The following MYO9B variants were observed in gnomAD, a reference collection of about 807,000 sequenced individuals.
MYO9B encodes the protein myosin IXB.
Under a neutral mutation model 229.5 loss-of-function variants are expected in MYO9B, and 71 were observed. The ratio of observed to expected loss-of-function variants is 0.31; its 90% CI spans 0.26 to 0.38. The LOEUF (loss-of-function observed/expected upper bound fraction) is 0.38. Ranked by LOEUF, MYO9B falls within the 10% of genes least tolerant of loss-of-function variation. The pLI is 1.00. For missense variants in MYO9B, 2,255 were observed against 2,920.5 expected (o/e 0.77, Z 5.25); for synonymous variants, 1,185 against 1,235.8 (o/e 0.96, Z 0.86).
rs1423218718 is a variant in MYO9B at position 17,195,164 on chromosome 19, G to C, written c.3737G>C (p.Gly1246Ala). ...CTGCCCAGTGGGAGCCCCAGGCCTG[G>C]CCAGTTGGAGCGGCCGACCAGCCTG... ...KTLPSGSPRP[G>A]QLERPTSLAL... The change falls in exon 22 of 40, where the codon GGC becomes GCC. Residue 1246 changes from glycine to alanine, a missense_variant. This residue lies in a region of MYO9B where 679 missense variants were observed against 770.2 expected (regional missense o/e 0.88). Coordinates refer to ENST00000682292, the MANE Select transcript of MYO9B (RefSeq NM_004145.4). The surrounding 1 kb of genome is among the most constrained non-coding windows in gnomAD (Gnocchi z 4.5). 1 of 1,611,104 alleles carries C rather than the reference G, an allele frequency of 6.2e-7. No individual in the cohort carries two copies. Among genetic ancestry groups the C allele is most frequent in the Admixed American group, 1.7e-5 (1 of 59,636 alleles).
At chr19:17,090,472 A>G (rs2057627457) in intron 1 of MYO9B, among the ~76,000 whole-genome samples, 1 of 152,164 alleles carries the variant, frequency 6.6e-6, no homozygotes, top group Non-Finnish European at 1.5e-5. Context: ...TTATGGCCAA[A>G]TAATATTCTG....
At position 17,207,183 on chromosome 19, in the gene MYO9B, C is replaced by A. The variant is rs1298232756; in HGVS notation, c.5563C>A (p.Leu1855Met). Residue 1855 changes from leucine to methionine, a missense_variant, in exon 35 of 40, where the codon CTG (leucine) becomes ATG (methionine). Leu to Met is a conservative substitution (Grantham distance 15). Around this residue, in one of 7 missense-constraint regions of MYO9B, gnomAD observed 416 missense variants for 605.5 expected, o/e 0.69. Coordinates refer to ENST00000682292, the MANE Select transcript of MYO9B (RefSeq NM_004145.4). The stretch of plus-strand genomic sequence containing the variant: ...GGCCATTATCTTCGCACCCTGCCTC[C>A]TGCGCTGCCCTGACAACTCGGACCC... ...ALAIIFAPCL[L>M]RCPDNSDPLT... 6.2e-7 allele frequency: 1 copy of A among 1,604,282 alleles called. No individual in the cohort carries two copies. Among genetic ancestry groups the A allele is most frequent in the African/African-American group, 1.3e-5 (1 of 74,818 alleles).
intron 6 of MYO9B, among the ~76,000 whole-genome samples, chr19:17,156,019 CAA>C (rs34932047): frequency 5.6e-4 from 64 of 113,488 alleles, no homozygotes; most frequent in Admixed American, 5.4e-4. Flanking sequence ...GACTCTGTCT[CAA>C]AAAAAAAAAA....
rs116986825 is a variant in MYO9B, at chr19:17,158,811, G to A, written c.1330-584G>A. Among the ~76,000 whole-genome samples, 1,217 of 152,282 alleles carry A rather than the reference G, an allele frequency of 8.0e-3. 5 individuals are homozygous for A. The highest frequency in any genetic ancestry group is 0.014 in the Non-Finnish European group (958 of 68,026). On this transcript the variant is annotated intron_variant, in intron 7 of 39. Coordinates refer to ENST00000682292, the MANE Select transcript of MYO9B (RefSeq NM_004145.4). ...GACCCGTGGCTCGCACTCACATAAG[G>A]CCTGTACATACACATACCCGGGCCA...
chr19:17,121,542 CA>C (rs988639637), intron 2 of MYO9B, among the ~76,000 whole-genome samples: 1 of 151,930 alleles, frequency 6.6e-6, no homozygotes, highest in Admixed American at 6.6e-5. Flanking sequence ...CTGGGGGCCC[CA>C]AAAGGCATCC....
intron 5 of MYO9B, 31 bp from the exon 6 acceptor site, chr19:17,154,284 T>A: frequency 6.3e-7 from 1 of 1,595,188 alleles, no homozygotes; most frequent in African/African-American, 1.3e-5. Context: ...GGCCCAGGAA[T>A]GCCCAGAGTA....
intron 1 of MYO9B, among the ~76,000 whole-genome samples, chr19:17,092,885 G>T (rs184568913): frequency 1.1e-3 from 167 of 152,230 alleles, no homozygotes; most frequent in African/African-American, 3.9e-3. Flanking sequence ...TATGAGCATG[G>T]GTGTGTCCTA....
At chr19:17,120,535 T>TGA (rs1442450731) in intron 2 of MYO9B, among the ~76,000 whole-genome samples, 2 of 149,732 alleles carry the variant, frequency 1.3e-5, no homozygotes, top group African/African-American at 4.9e-5. Flanking sequence ...CTCAGGAGGC[T>TGA]GAGGCAGGAG....
chr19:17,165,971 A>G (rs1361729352), intron 10 of MYO9B, among the ~76,000 whole-genome samples: 2 of 152,112 alleles, frequency 1.3e-5, no homozygotes, highest in African/African-American at 2.4e-5. Flanking sequence ...TGCAACAGAC[A>G]TTGTCTGGTT....
chr19:17,185,632 G>T (rs1157761380), intron 17 of MYO9B, among the ~76,000 whole-genome samples: 1 of 151,996 alleles, frequency 6.6e-6, no homozygotes, highest in Non-Finnish European at 1.5e-5. Flanking sequence ...TCTCCAGAAA[G>T]CGTTTGTCTG....
rs560568367 is a variant in MYO9B at position 17,179,908 on chromosome 19, A to T, written c.2220-1019A>T. On this transcript the variant is annotated intron_variant, in intron 14 of 39. Coordinates refer to ENST00000682292, the MANE Select transcript of MYO9B (RefSeq NM_004145.4). ...AGCAAGACACTGTTTCCAAAAAAAAATAAAATAAAAATAAAAATAAATTTA... is the reference window on the plus strand; with the variant it reads ...AGCAAGACACTGTTTCCAAAAAAAATTAAAATAAAAATAAAAATAAATTTA... Among the ~76,000 whole-genome samples, 473 of 149,528 alleles carry T rather than the reference A, an allele frequency of 3.2e-3. 1 individual carries two copies. Among genetic ancestry groups the T allele is most frequent in the African/African-American group, 0.011 (430 of 39,842 alleles).
At chr19:17,210,977 C>CTTT (rs35355662) in intron 38 of MYO9B, 129 bp downstream of exon 38, 7,693 of 329,838 alleles carry the variant, frequency 0.023, 62 homozygotes, top group African/African-American at 0.042. Context: ...GCAAACAACA[C>CTTT]TTTTTTTTTT....
intron 1 of MYO9B, among the ~76,000 whole-genome samples, chr19:17,093,540 G>A (rs2057658633): frequency 6.6e-6 from 1 of 152,144 alleles, no homozygotes; most frequent in South Asian, 2.1e-4. Context: ...TTAGATTTCC[G>A]ACCATCTCCC....
At position 17,207,227 on chromosome 19, in the gene MYO9B, C is replaced by T. The variant is rs758115146; in HGVS notation, c.5607C>T (p.Asp1869=). The T allele has an allele frequency of 7.5e-6, 12 of 1,597,940 alleles. No homozygotes were observed. Among genetic ancestry groups the T allele is most frequent in the East Asian group, 2.3e-5 (1 of 44,078 alleles). ...CGGACCCGCTGACCAGCATGAAGGA[C>T]GTCCTCAAGATCACCACGTGAGTGC... ...DNSDPLTSMK[D]VLKITTCVEM... Residue 1869 remains aspartate, a synonymous_variant, in exon 35 of 40, where the codon GAC becomes GAT. Coordinates refer to ENST00000682292, the MANE Select transcript of MYO9B (RefSeq NM_004145.4).
rs561885532 is a variant in MYO9B, at chr19:17,077,857, G to C, written c.-59+1983G>C. On this transcript the variant is annotated intron_variant, in intron 1 of 39. Transcript: ENST00000682292. ...ATTTTTTTTCAACCGCTTCTTCATC[G>C]TCCAAATAGAAAATTGCGGTGTTGA... 1.4e-3 allele frequency among the ~76,000 whole-genome samples: 209 copies of C among 152,004 alleles called. 1 individual carries two copies. The highest frequency in any genetic ancestry group is 5.0e-3 in the African/African-American group (206 of 41,414).
Position 17,200,299 on chromosome 19 carries a change from G to A in MYO9B, c.4245G>A (p.Thr1415=), listed in dbSNP as rs760656722. ...SPGSQVDSKS[T]FKRLFLHKTK... ...CACGTACTTTCTCCTGCAGATCCAC[G>A]TTTAAGAGGCTTTTTCTGCATAAAA... Residue 1415 remains threonine, a synonymous_variant, in exon 25 of 40, where the codon ACG becomes ACA. Coordinates refer to ENST00000682292, the MANE Select transcript of MYO9B (RefSeq NM_004145.4). 1.9e-6 allele frequency: 3 copies of A among 1,609,384 alleles called. No individual in the cohort carries two copies. The highest frequency in any genetic ancestry group is 2.5e-6 in the Non-Finnish European group (3 of 1,178,792).
intron 30 of MYO9B, among the ~76,000 whole-genome samples, chr19:17,205,019 C>T (rs533521178): frequency 6.6e-4 from 101 of 152,148 alleles, no homozygotes; most frequent in African/African-American, 2.4e-3. Flanking sequence ...GGCGTGGTGG[C>T]GCACACCTGT....
chr19:17,117,839 G>A (rs777762901), intron 2 of MYO9B, among the ~76,000 whole-genome samples: 1 of 150,290 alleles, frequency 6.7e-6, no homozygotes, highest in African/African-American at 2.4e-5. Flanking sequence ...TGAGGAAGCT[G>A]AGGCAGGAGA....
At chr19:17,176,534 G>A (rs1233604875) in intron 14 of MYO9B, among the ~76,000 whole-genome samples, 1 of 152,186 alleles carries the variant, frequency 6.6e-6, no homozygotes, top group Admixed American at 6.6e-5. Context: ...GAAACAGAAA[G>A]ACCCAGAACC....
Sources: gnomAD v4.1 joint callset for allele counts (sites outside exome capture counted in the v4.1 genomes callset) on GRCh38, gnomAD v4.1.1 for gene constraint, gnomAD v4.1.1 regional missense constraint, Gnocchi (gnomAD v3.1) non-coding constraint, MANE v1.5 for transcripts, NCBI Gene and HGNC (gene_info 2026-07-23, HGNC 2026-07-21) for gene names.